MCF2L: variants seen among roughly 807,000 people sequenced by gnomAD.
MCF2L encodes the protein guanine nucleotide exchange factor DBS.
MCF2L carries 97 observed loss-of-function variants against 153.4 expected under a neutral mutation model. The observed-to-expected ratio is 0.63, with a 90% CI of 0.54 to 0.75. The LOEUF is 0.75. Ranked by LOEUF, MCF2L falls within the 30% of genes least tolerant of loss-of-function variation. The pLI is 0.00. For synonymous variants in MCF2L, 659 were observed against 632.2 expected (o/e 1.04, Z -0.64); for missense variants, 1,347 against 1,495.2 (o/e 0.90, Z 1.64).
In MCF2L at chr13:112,927,157, C is replaced by T. The variant is rs560728106; in HGVS notation, c.169+24786C>T. Among the ~76,000 whole-genome samples, 23 of 152,322 alleles carry T rather than the reference C, an allele frequency of 1.5e-4. No individual in the cohort carries two copies. In the East Asian group the frequency reaches 2.1e-3, roughly 14 times the overall value. On this transcript the variant is annotated intron_variant, in intron 2 of 29. Coordinates refer to the MCF2L transcript ENST00000375608. ...GCTGAACTCTCCCGTGGCATGGCTG[C>T]GGCAAATGGCATGACCTCATCATGT... is the stretch of plus-strand genomic sequence containing the variant.
Position 113,082,490 on chromosome 13 carries a change from A to G in MCF2L, c.1939A>G (p.Lys647Glu). ...CCTCCTGTCAACAGGCCTTCACAACAAGAAGGATGTTTTGTTTGGAAACAT... is the reference window on the plus strand; with the variant it reads ...CCTCCTGTCAACAGGCCTTCACAACGAGAAGGATGTTTTGTTTGGAAACAT... ...AHLLSTGLHN[K>E]KDVLFGNMEE... Residue 647 changes from lysine (K) to glutamate (E), a missense_variant, in exon 17 of 30, where the codon AAG becomes GAG. Lys to Glu is a moderately conservative substitution (Grantham distance 56). Around this residue, in one of 3 missense-constraint regions of MCF2L, gnomAD observed 820 missense variants for 921.2 expected, o/e 0.89. Coordinates refer to ENST00000535094, the MANE Select transcript of MCF2L (RefSeq NM_001112732.3). The G allele has an allele frequency of 6.2e-7, 1 of 1,613,792 alleles. No individual in the cohort carries two copies. The highest frequency in any genetic ancestry group is 8.5e-7 in the Non-Finnish European group (1 of 1,179,782).
chr13:113,027,342 G>T lies in MCF2L; in HGVS notation c.278+2584G>T, dbSNP rs2085376380. On this transcript the variant is annotated intron_variant, in intron 3 of 29. Coordinates refer to ENST00000535094, the MANE Select transcript of MCF2L (RefSeq NM_001112732.3). The surrounding 1 kb of genome is among the most constrained non-coding windows in gnomAD (Gnocchi z 4.8). Reference sequence around the variant, plus strand: ...GCCTCAAGGAGAGGGAGAGCGGTGGGCACCTCTGTCCACTTGGCGGGTTGA... The same window carrying T: ...GCCTCAAGGAGAGGGAGAGCGGTGGTCACCTCTGTCCACTTGGCGGGTTGA... 6.6e-6 allele frequency among the ~76,000 whole-genome samples: 1 copy of T among 152,010 alleles called. No homozygotes were observed. The highest frequency in any genetic ancestry group is 2.1e-4 in the South Asian group (1 of 4,804).
intron 2 of MCF2L, among the ~76,000 whole-genome samples, chr13:112,914,686 C>A (rs1240170349): frequency 6.6e-6 from 1 of 152,192 alleles, no homozygotes; most frequent in Non-Finnish European, 1.5e-5. Flanking sequence ...TGCAGACTTT[C>A]ATCACTTGCA....
chr13:113,006,955 G>C (rs1467063635), intron 1 of MCF2L, among the ~76,000 whole-genome samples: 1 of 152,186 alleles, frequency 6.6e-6, no homozygotes, highest in African/African-American at 2.4e-5. Context: ...CCGGCAGCCA[G>C]CCCGGCCCTT....
At chr13:112,909,330 C>G (rs1175847786) in intron 2 of MCF2L, 14 of 779,490 alleles carry the variant, frequency 1.8e-5, no homozygotes, top group Non-Finnish European at 3.4e-5. Flanking sequence ...GTACATCCTT[C>G]ACCTCTGTGT....
chr13:113,031,201 C>G lies in MCF2L; in HGVS notation c.278+6443C>G, dbSNP rs9577200. Among the ~76,000 whole-genome samples, 1 of 146,038 alleles carries G rather than the reference C, an allele frequency of 6.8e-6. No individual in the cohort carries two copies. Among genetic ancestry groups the G allele is most frequent in the Non-Finnish European group, 1.5e-5 (1 of 67,338 alleles). On this transcript the variant is annotated intron_variant, in intron 3 of 29. Coordinates refer to ENST00000535094, the MANE Select transcript of MCF2L (RefSeq NM_001112732.3). This position sits in a 1 kb window ranked among gnomAD's most constrained non-coding sequence, Gnocchi z 5.5. ...ACAGACAGAGACAGAGAGACAGAGA[C>G]AGACAGAGACAGAGACAGAGAGAGA...
intron 2 of MCF2L, among the ~76,000 whole-genome samples, chr13:112,908,175 G>C (rs1298098384): frequency 6.6e-6 from 1 of 152,198 alleles, no homozygotes; most frequent in African/African-American, 2.4e-5. Flanking sequence ...TGCCAAGGGT[G>C]TGGGCAGCTT....
At chr13:112,905,197 G>A (rs1008373171) in intron 2 of MCF2L, among the ~76,000 whole-genome samples, 44 of 152,184 alleles carry the variant, frequency 2.9e-4, no homozygotes, top group African/African-American at 1.0e-3. Context: ...TCTTCTGGTC[G>A]CTGCAAGAGC....
In MCF2L at chr13:113,098,427, C is replaced by G. The variant is rs1378853551; in HGVS notation, c.*1568C>G. 6.6e-6 allele frequency: 1 copy of G among 152,490 alleles called. No individual in the cohort carries two copies. Among genetic ancestry groups the G allele is most frequent in the African/African-American group, 2.4e-5 (1 of 41,462 alleles). The allele number at this position is 152,490 out of a possible 1,614,324, so 9.4% of individuals were successfully genotyped here. A position where few individuals can be genotyped will look rare whatever the true frequency, so the allele number is the denominator to read the frequency against. On this transcript the variant is annotated 3_prime_UTR_variant, in exon 30 of 30. Coordinates refer to ENST00000535094, the MANE Select transcript of MCF2L (RefSeq NM_001112732.3). ...CCTTGTGTGACCCTCCCCATAAAGG[C>G]ACTTTACAGCTTCATGTTTCATCCA...
At chr13:113,024,813 G>C (rs1271270346) in intron 3 of MCF2L, 55 bp downstream of exon 3, 1 of 1,380,994 alleles carries the variant, frequency 7.2e-7, no homozygotes, top group African/African-American at 1.4e-5. Flanking sequence ...GTCCCTGTGA[G>C]ATTTCACCAG....
At chr13:113,082,999 C>T (rs917985985) in intron 17 of MCF2L, among the ~76,000 whole-genome samples, 3 of 152,172 alleles carry the variant, frequency 2.0e-5, no homozygotes, top group East Asian at 1.9e-4. Context: ...GCAAACTAGG[C>T]GTTCCTTACC....
intron 7 of MCF2L, 53 bp from the exon 8 acceptor site, chr13:113,065,993 C>G: frequency 6.3e-7 from 1 of 1,589,078 alleles, no homozygotes. Context: ...CACCACCAGC[C>G]TGCGCTGTGT....
At chr13:113,003,445 C>T (rs932092388) in intron 1 of MCF2L, among the ~76,000 whole-genome samples, 2 of 151,830 alleles carry the variant, frequency 1.3e-5, no homozygotes, top group Admixed American at 6.6e-5. Flanking sequence ...GGGCAGGTGG[C>T]CCCCTGGGTT....
At chr13:112,977,437 C>T (rs1242072086) in intron 1 of MCF2L, among the ~76,000 whole-genome samples, 1 of 152,102 alleles carries the variant, frequency 6.6e-6, no homozygotes, top group South Asian at 2.1e-4. Context: ...CGCGTTTTCA[C>T]GATGGTCGCT....
intron 1 of MCF2L, among the ~76,000 whole-genome samples, chr13:112,982,561 C>T (rs1461673500): frequency 2.0e-5 from 3 of 152,014 alleles, no homozygotes; most frequent in Non-Finnish European, 2.9e-5. Context: ...GGAGGGTGTG[C>T]GCCACGGAAG....
intron 2 of MCF2L, among the ~76,000 whole-genome samples, chr13:112,928,629 C>T (rs1376493076): frequency 6.6e-6 from 1 of 152,162 alleles, no homozygotes; most frequent in Non-Finnish European, 1.5e-5. Flanking sequence ...GCATTGGCAT[C>T]GCTAGTGTCT....
Position 112,983,153 on chromosome 13 carries a change from C to A in MCF2L, c.79+13695C>A, listed in dbSNP as rs2082501888. Among the ~76,000 whole-genome samples the A allele has an allele frequency of 6.6e-6, 1 of 151,984 alleles. No homozygotes were observed. The highest frequency in any genetic ancestry group is 2.4e-5 in the African/African-American group (1 of 41,352). ...GCAGGGACGCAGCACTCAGCAGGTG[C>A]CTCAGGGTTTGTTGGAGGTGAGGGG... is the stretch of plus-strand genomic sequence containing the variant. On this transcript the variant is annotated intron_variant, in intron 1 of 29. Coordinates refer to ENST00000535094, the MANE Select transcript of MCF2L (RefSeq NM_001112732.3). The surrounding 1 kb of genome is among the most constrained non-coding windows in gnomAD (Gnocchi z 4.0).
intron 1 of MCF2L, among the ~76,000 whole-genome samples, chr13:113,002,213 A>G (rs531646728): frequency 2.0e-5 from 3 of 151,886 alleles, no homozygotes; most frequent in African/African-American, 7.3e-5. Context: ...TGCCCGATGG[A>G]TGGTTTAGGG....
intron 2 of MCF2L, among the ~76,000 whole-genome samples, chr13:112,952,569 C>G (rs960745821): frequency 6.6e-6 from 1 of 152,312 alleles, no homozygotes; most frequent in South Asian, 2.1e-4. Flanking sequence ...ACTTTGCCTT[C>G]CTTCTCCTTA....
Sources: allele counts gnomAD v4.1 joint callset (sites outside exome capture counted in the v4.1 genomes callset), GRCh38; gene constraint gnomAD v4.1.1; regional missense constraint gnomAD v4.1.1; non-coding constraint Gnocchi (gnomAD v3.1); transcripts MANE v1.5; gene names NCBI Gene and HGNC (gene_info 2026-07-23, HGNC 2026-07-21).